The following HS6ST3 variants were observed in gnomAD, a reference collection of about 807,000 sequenced individuals.
The protein encoded by HS6ST3 is heparan sulfate 6-O-sulfotransferase 3, also known as heparan-sulfate 6-O-sulfotransferase 3.
Under a neutral mutation model 36.7 loss-of-function variants are expected in HS6ST3, and 12 were observed. The observed-to-expected ratio is 0.33, with a 90% CI of 0.21 to 0.53. The LOEUF is 0.53. HS6ST3 is among the 20% of genes least tolerant of loss of function. The probability of loss-of-function intolerance (pLI) is 0.95; values close to 1 mark genes in which losing one functional copy is unlikely to be tolerated. For synonymous variants in HS6ST3, 240 were observed against 257.5 expected, an observed-to-expected ratio of 0.93 and a Z score of 0.65; for missense variants, 584 against 640.9, an observed-to-expected ratio of 0.91 and a Z score of 0.96.
chr13:96,630,159 T>C (rs1029416447), intron 1 of HS6ST3, among the ~76,000 whole-genome samples: 4 of 152,252 alleles, frequency 2.6e-5, no homozygotes, highest in Admixed American at 2.0e-4. Context: ...AACATAATTC[T>C]TTTATATTAT....
chr13:96,831,980 A>AAC (rs1339637754), intron 1 of HS6ST3, among the ~76,000 whole-genome samples: 2 of 141,906 alleles, frequency 1.4e-5, no homozygotes, highest in African/African-American at 5.2e-5. Context: ...AAAAAAAAAA[A>AAC]CAGAGATTAA....
intron 1 of HS6ST3, among the ~76,000 whole-genome samples, chr13:96,560,068 AG>A (rs1235203999): frequency 6.6e-6 from 1 of 152,176 alleles, no homozygotes; most frequent in African/African-American, 2.4e-5. Context: ...GGCCCTCCAC[AG>A]GCCTATAGTT....
chr13:96,142,436 T>C (rs2054036506), intron 1 of HS6ST3, among the ~76,000 whole-genome samples: 2 of 152,262 alleles, frequency 1.3e-5, no homozygotes, highest in South Asian at 4.1e-4. Flanking sequence ...TTAGTGAAGT[T>C]GAAATAAGAC....
intron 1 of HS6ST3, among the ~76,000 whole-genome samples, chr13:96,586,040 G>T (rs1233192483): frequency 1.3e-5 from 2 of 151,946 alleles, no homozygotes; most frequent in African/African-American, 2.4e-5. Flanking sequence ...GTATATAAGG[G>T]TTTATTTTTT....
chr13:96,613,848 G>A (rs1952722282), intron 1 of HS6ST3, among the ~76,000 whole-genome samples: 1 of 152,074 alleles, frequency 6.6e-6, no homozygotes, highest in South Asian at 2.1e-4. Flanking sequence ...TTGCACTGTG[G>A]GAAATAGTCA....
chr13:96,277,499 A>C (rs1429564254), intron 1 of HS6ST3, among the ~76,000 whole-genome samples: 2 of 152,198 alleles, frequency 1.3e-5, no homozygotes, highest in Non-Finnish European at 2.9e-5. Flanking sequence ...ATTTTTGAAA[A>C]ATACAAGTCA....
intron 1 of HS6ST3, among the ~76,000 whole-genome samples, chr13:96,565,684 C>A (rs939069479): frequency 6.6e-6 from 1 of 152,130 alleles, no homozygotes; most frequent in Non-Finnish European, 1.5e-5. Flanking sequence ...AATTCAGTGG[C>A]TCCAAAGGAG....
At chr13:96,247,664 G>A (rs1476618264) in intron 1 of HS6ST3, among the ~76,000 whole-genome samples, 2 of 152,094 alleles carry the variant, frequency 1.3e-5, no homozygotes, top group South Asian at 2.1e-4. Context: ...ACCAATACAA[G>A]CCCCTTCCTT....
intron 1 of HS6ST3, among the ~76,000 whole-genome samples, chr13:96,435,194 G>A (rs1281597090): frequency 6.6e-6 from 1 of 152,124 alleles, no homozygotes; most frequent in Non-Finnish European, 1.5e-5. Flanking sequence ...AGACAGTTTT[G>A]AAAATGGAAG....
At chr13:96,311,887 G>A (rs1241765592) in intron 1 of HS6ST3, among the ~76,000 whole-genome samples, 1 of 151,948 alleles carries the variant, frequency 6.6e-6, no homozygotes, top group East Asian at 1.9e-4. Context: ...TGGGCTCTGG[G>A]GACATTGTTT....
At chr13:96,282,478 G>A (rs539170667) in intron 1 of HS6ST3, among the ~76,000 whole-genome samples, 41 of 152,150 alleles carry the variant, frequency 2.7e-4, no homozygotes, top group Non-Finnish European at 5.6e-4. Flanking sequence ...GGTATACTCA[G>A]TAACCAATGA....
chr13:96,112,895 T>A (rs777930038), intron 1 of HS6ST3, among the ~76,000 whole-genome samples: 1 of 152,020 alleles, frequency 6.6e-6, no homozygotes, highest in Non-Finnish European at 1.5e-5. Context: ...ACACATTCCA[T>A]GGTAAGATTA....
chr13:96,737,873 A>G (rs1312645877), intron 1 of HS6ST3, among the ~76,000 whole-genome samples: 3 of 152,052 alleles, frequency 2.0e-5, no homozygotes, highest in Admixed American at 1.3e-4. Context: ...GCCAGCAGTC[A>G]CATTGTTCTG....
In HS6ST3 at chr13:96,710,763, C is replaced by G. The variant is rs115469380; in HGVS notation, c.708-121727C>G. Among the ~76,000 whole-genome samples, 863 of 152,336 alleles carry G rather than the reference C, an allele frequency of 5.7e-3. 4 individuals carry two copies. Among genetic ancestry groups the G allele is most frequent in the African/African-American group, 0.02 (815 of 41,588 alleles). On this transcript the variant is annotated intron_variant, in intron 1 of 1. Transcript: ENST00000376705. ...AAATTCAAGCCAAGATGCCCCTGCA[C>G]AGGCACATTGTTGCTCTTGGCCTGG...
At chr13:96,696,950 C>A (rs1287429669) in intron 1 of HS6ST3, among the ~76,000 whole-genome samples, 1 of 151,922 alleles carries the variant, frequency 6.6e-6, no homozygotes, top group African/African-American at 2.4e-5. Context: ...TATAAATGGG[C>A]AATCAGAATC....
intron 1 of HS6ST3, among the ~76,000 whole-genome samples, chr13:96,450,039 A>C (rs1594782941): frequency 6.6e-6 from 1 of 152,294 alleles, no homozygotes; most frequent in East Asian, 1.9e-4. Flanking sequence ...AGTAATTTTT[A>C]TTTTGGCCCT....
intron 1 of HS6ST3, among the ~76,000 whole-genome samples, chr13:96,270,754 A>G (rs949115841): frequency 4.6e-5 from 7 of 151,840 alleles, no homozygotes; most frequent in Middle Eastern, 6.8e-3. Flanking sequence ...GGAGACTGGG[A>G]AAAAAAAGGA....
At chr13:96,110,592 A>G (rs1594679532) in intron 1 of HS6ST3, among the ~76,000 whole-genome samples, 1 of 151,930 alleles carries the variant, frequency 6.6e-6, no homozygotes, top group African/African-American at 2.4e-5. Flanking sequence ...GCCCACCACC[A>G]TGCCCGGCTA....
intron 1 of HS6ST3, among the ~76,000 whole-genome samples, chr13:96,183,668 CA>C (rs1251587696): frequency 6.6e-6 from 1 of 152,058 alleles, no homozygotes; most frequent in Non-Finnish European, 1.5e-5. Context: ...TGAAATAAGC[CA>C]GTTACAAAAA....
Sources: allele counts gnomAD v4.1 joint callset (sites outside exome capture counted in the v4.1 genomes callset), GRCh38; gene constraint gnomAD v4.1.1; transcripts MANE v1.5; gene names NCBI Gene and HGNC (gene_info 2026-07-23, HGNC 2026-07-21).